The following PLN variants were observed in gnomAD, a reference collection of about 807,000 sequenced individuals.
PLN encodes cardiac phospholamban.
A neutral mutation model predicts 3.9 loss-of-function variants in PLN; 1 was observed. The observed-to-expected ratio is 0.26, with a 90% CI of 0.09 to 1.23. The LOEUF (loss-of-function observed/expected upper bound fraction) is 1.23. Ranked by LOEUF, PLN falls within the 50% of genes most tolerant of loss-of-function variation. PLN has a pLI of 0.48. For missense variants in PLN, 59 were observed against 62.7 expected (o/e 0.94, Z 0.20); for synonymous variants, 21 against 20.5 (o/e 1.02, Z -0.07).
chr6:118,550,928 A>G (rs1431997021), intron 1 of PLN, among the ~76,000 whole-genome samples: 2 of 151,872 alleles, frequency 1.3e-5, no homozygotes, highest in Admixed American at 6.6e-5. Context: ...AAAATTACAG[A>G]TGCCCTTAGT....
At position 118,559,047 on chromosome 6, in the gene PLN, C is replaced by T; in HGVS notation, c.126C>T (p.Leu42=). ...FINFCLILIC[L]LLICIIVMLL ...ATTTCTGTCTCATCTTAATATGTCT[C>T]TTGCTGATCTGTATCATCGTGATGC... Residue 42 remains leucine, a synonymous_variant, in exon 2 of 2, where the codon CTC becomes CTT. Transcript: ENST00000357525. 8 of 1,611,720 alleles carry T rather than the reference C, an allele frequency of 5.0e-6. No homozygotes were observed. The highest frequency in any genetic ancestry group is 6.8e-6 in the Non-Finnish European group (8 of 1,177,786).
intron 1 of PLN, among the ~76,000 whole-genome samples, chr6:118,557,581 A>G (rs1417183551): frequency 6.6e-6 from 1 of 152,110 alleles, no homozygotes; most frequent in African/African-American, 2.4e-5. Context: ...GTTGAGTGTG[A>G]GTGTGTACAT....
intron 1 of PLN, among the ~76,000 whole-genome samples, chr6:118,554,393 C>T (rs868569911): frequency 6.6e-6 from 1 of 152,114 alleles, no homozygotes; most frequent in African/African-American, 2.4e-5. Context: ...ACATTCGTCC[C>T]GCCTAGGCCT....
At chr6:118,558,660 C>CACACACACAG (rs1318088942) in intron 1 of PLN, among the ~76,000 whole-genome samples, 165 bp from the exon 2 acceptor site, 1 of 122,216 alleles carries the variant, frequency 8.2e-6, no homozygotes, top group Non-Finnish European at 1.7e-5. Context: ...CACACACACA[C>CACACACACAG]AGAGAGAGAG....
chr6:118,548,772 T>A (rs1165659216), intron 1 of PLN, among the ~76,000 whole-genome samples: 1 of 152,090 alleles, frequency 6.6e-6, no homozygotes, highest in Non-Finnish European at 1.5e-5. Context: ...TTAATTTTGT[T>A]ATTTATTGCT....
intron 1 of PLN, among the ~76,000 whole-genome samples, chr6:118,552,372 A>G (rs1778600022): frequency 6.6e-6 from 1 of 152,082 alleles, no homozygotes; most frequent in African/African-American, 2.4e-5. Flanking sequence ...CATATACAAC[A>G]TCATTAAAGT....
chr6:118,550,376 A>T (rs891603820), intron 1 of PLN, among the ~76,000 whole-genome samples: 2 of 151,814 alleles, frequency 1.3e-5, no homozygotes, highest in African/African-American at 2.4e-5. Flanking sequence ...AAATTATGTA[A>T]TATATTAAAT....
chr6:118,549,939 T>C (rs1000837151), intron 1 of PLN, among the ~76,000 whole-genome samples: 6 of 151,898 alleles, frequency 4.0e-5, no homozygotes, highest in South Asian at 4.1e-4. Context: ...TCAAATATAA[T>C]GTGGTAGTAC....
rs1036367281 is a variant in PLN, at chr6:118,559,902, G to A, written c.*822G>A. 3 of 166,828 alleles carry A rather than the reference G, an allele frequency of 1.8e-5. No homozygotes were observed. The highest frequency in any genetic ancestry group is 2.9e-5 in the Non-Finnish European group (2 of 68,114). 10.3% of individuals were successfully genotyped at this position (166,828 alleles called of 1,614,324 possible). On this transcript the variant is annotated 3_prime_UTR_variant, in exon 2 of 2. Coordinates refer to ENST00000357525, the MANE Select transcript of PLN (RefSeq NM_002667.5). ...ACAACAGAATCTAATCTTCATTTAA[G>A]GCACTGTAGTGAATTATCTGAGCTA...
chr6:118,554,431 G>C (rs561645942), intron 1 of PLN, among the ~76,000 whole-genome samples: 1 of 152,202 alleles, frequency 6.6e-6, no homozygotes, highest in East Asian at 1.9e-4. Context: ...ATAGATGTGA[G>C]CCACCATGCC....
At chr6:118,553,291 T>C (rs1053294553) in intron 1 of PLN, among the ~76,000 whole-genome samples, 1 of 150,100 alleles carries the variant, frequency 6.7e-6, no homozygotes, top group African/African-American at 2.4e-5. Context: ...CTGACAACCA[T>C]GCCATAAATT....
rs1779043624 is a variant in PLN, at chr6:118,558,680, G to GAA, written c.-97-144_-97-143insAA. The stretch of plus-strand genomic sequence containing the variant: ...ACACACAGAGAGAGAGAGAGAGAGA[G>GAA]AGAGAGAGGGAGAGAGACTATAGAA... On this transcript the variant is annotated intron_variant, in intron 1 of 1. Transcript: ENST00000357525. The GAA allele has an allele frequency of 7.5e-6, 4 of 531,732 alleles. No individual in the cohort carries two copies. The African/African-American group carries it at 7.7e-5, about 10-fold the overall frequency. 32.9% of individuals were successfully genotyped at this position (531,732 alleles called of 1,614,324 possible).
At chr6:118,557,728 T>G (rs758352430) in intron 1 of PLN, among the ~76,000 whole-genome samples, 1 of 152,164 alleles carries the variant, frequency 6.6e-6, no homozygotes, top group African/African-American at 2.4e-5. Flanking sequence ...TGAATACAAA[T>G]TATTATCGAA....
intron 1 of PLN, among the ~76,000 whole-genome samples, chr6:118,552,454 A>G (rs147007555): frequency 6.6e-6 from 1 of 152,194 alleles, no homozygotes; most frequent in Non-Finnish European, 1.5e-5. Context: ...CCTTCCGCAC[A>G]AGAATGCATC....
chr6:118,558,652 C>CAGAGAGAGAGAGAGAGAG (rs1482465423), intron 1 of PLN, among the ~76,000 whole-genome samples, 173 bp from the exon 2 acceptor site: 33 of 132,956 alleles, frequency 2.5e-4, no homozygotes, highest in African/African-American at 1.0e-3. Context: ...CACACACACA[C>CAGAGAGAGAGAGAGAGAG]ACACACACAG....
chr6:118,549,215 A>G (rs1778389889), intron 1 of PLN, among the ~76,000 whole-genome samples: 1 of 151,938 alleles, frequency 6.6e-6, no homozygotes, highest in African/African-American at 2.4e-5. Context: ...ATTTCTGCCT[A>G]TTAATGCCTA....
intron 1 of PLN, among the ~76,000 whole-genome samples, chr6:118,558,621 G>GCA (rs1280397001): frequency 5.0e-4 from 30 of 59,980 alleles, no homozygotes; most frequent in African/African-American, 1.5e-3. Context: ...AGAAACACGT[G>GCA]CACATACACA....
intron 1 of PLN, among the ~76,000 whole-genome samples, chr6:118,557,490 C>T (rs1489805276): frequency 6.6e-6 from 1 of 152,102 alleles, no homozygotes. Flanking sequence ...CATATTCTCC[C>T]CACATCTGTG....
intron 1 of PLN, among the ~76,000 whole-genome samples, chr6:118,558,108 G>A (rs1178593060): frequency 6.6e-6 from 1 of 151,930 alleles, no homozygotes; most frequent in African/African-American, 2.4e-5. Flanking sequence ...CATGCCACCA[G>A]CCTAGCTAAT....
Sources: allele counts gnomAD v4.1 joint callset (sites outside exome capture counted in the v4.1 genomes callset), GRCh38; gene constraint gnomAD v4.1.1; transcripts MANE v1.5; gene names NCBI Gene and HGNC (gene_info 2026-07-23, HGNC 2026-07-21).